MAGI2: variants seen among roughly 807,000 people sequenced by gnomAD.
MAGI2 encodes membrane-associated guanylate kinase, WW and PDZ domain-containing protein 2.
MAGI2 carries 35 observed loss-of-function variants against 133.3 expected under a neutral mutation model. That is an observed-to-expected ratio of 0.26 (90% CI 0.20 to 0.35). MAGI2 has a LOEUF of 0.35. MAGI2 is among the 10% of genes least tolerant of loss of function. The pLI, the probability that MAGI2 is intolerant of heterozygous loss-of-function variation, is 1.00. For synonymous variants in MAGI2, 729 were observed against 710.6 expected (o/e 1.03, Z -0.41); for missense variants, 1,636 against 1,863.4 (o/e 0.88, Z 2.25).
chr7:78,370,044 T>C (rs949370963), intron 6 of MAGI2, among the ~76,000 whole-genome samples: 11 of 152,126 alleles, frequency 7.2e-5, no homozygotes, highest in African/African-American at 2.4e-4. Flanking sequence ...AAACCTAAGA[T>C]ATATTGACAA....
intron 2 of MAGI2, among the ~76,000 whole-genome samples, chr7:78,983,571 C>T (rs1394459073): frequency 1.3e-5 from 2 of 151,846 alleles, no homozygotes; most frequent in African/African-American, 4.8e-5. Context: ...TCTCTATCAG[C>T]CACTAACAAG....
chr7:79,094,464 T>C (rs963071073), intron 1 of MAGI2, among the ~76,000 whole-genome samples: 1 of 152,232 alleles, frequency 6.6e-6, no homozygotes, highest in Admixed American at 6.5e-5. Flanking sequence ...GAACTGTTAA[T>C]GTCAATATTT....
chr7:78,440,077 A>G (rs1054833577), intron 6 of MAGI2, among the ~76,000 whole-genome samples: 1 of 151,928 alleles, frequency 6.6e-6, no homozygotes, highest in Non-Finnish European at 1.5e-5. Flanking sequence ...AGTCACATTT[A>G]AATATAAATA....
intron 2 of MAGI2, among the ~76,000 whole-genome samples, chr7:78,954,035 C>T (rs191171848): frequency 5.9e-5 from 9 of 152,200 alleles, no homozygotes; most frequent in East Asian, 1.9e-4. Context: ...AGACATACTA[C>T]GCATTTTTCA....
At chr7:78,878,009 T>A (rs1056732979) in intron 2 of MAGI2, among the ~76,000 whole-genome samples, 1 of 152,222 alleles carries the variant, frequency 6.6e-6, no homozygotes, top group Non-Finnish European at 1.5e-5. Flanking sequence ...TAGAGTCTGA[T>A]CTGAAGTCAG....
intron 1 of MAGI2, among the ~76,000 whole-genome samples, chr7:79,062,757 T>C (rs985092721): frequency 6.6e-6 from 1 of 152,142 alleles, no homozygotes; most frequent in Non-Finnish European, 1.5e-5. Flanking sequence ...CTGTCATCGA[T>C]GTTTCCTGTT....
chr7:78,990,706 A>G (rs962725224), intron 2 of MAGI2, among the ~76,000 whole-genome samples: 1 of 152,076 alleles, frequency 6.6e-6, no homozygotes, highest in Non-Finnish European at 1.5e-5. Flanking sequence ...AGAAAGGTAC[A>G]TTGATATGAG....
At chr7:78,914,904 A>G (rs2151622946) in intron 2 of MAGI2, among the ~76,000 whole-genome samples, 1 of 152,264 alleles carries the variant, frequency 6.6e-6, no homozygotes, top group Non-Finnish European at 1.5e-5. Flanking sequence ...GCAGAAGATC[A>G]TGTTAATGAG....
intron 5 of MAGI2, among the ~76,000 whole-genome samples, chr7:78,497,738 A>ATCTG (rs1297478814): frequency 1.8e-5 from 2 of 112,926 alleles, no homozygotes; most frequent in African/African-American, 3.2e-5. Context: ...CTATCTATCT[A>ATCTG]TCTATCTATC....
chr7:79,292,758 T>C (rs555256060), intron 1 of MAGI2, among the ~76,000 whole-genome samples: 1 of 125,912 alleles, frequency 7.9e-6, no homozygotes, highest in South Asian at 2.5e-4. Context: ...TGGACCACTT[T>C]GTCAATTTCT....
rs148768035 is a variant in MAGI2, at chr7:78,351,483, T to C, written c.1104-5440A>G. ...GCATTAGACAAGCAGCAACTCAGCA[T>C]TGAGAGAGGGAGTGAGAGGACTGGC... On this transcript the variant is annotated intron_variant, in intron 7 of 21. Coordinates refer to ENST00000354212, the MANE Select transcript of MAGI2 (RefSeq NM_012301.4). 7.9e-3 allele frequency among the ~76,000 whole-genome samples: 1,195 copies of C among 151,920 alleles called. 21 individuals are homozygous for C. The highest frequency in any genetic ancestry group is 0.021 in the African/African-American group (850 of 41,460).
chr7:78,397,279 T>A (rs539064933), intron 6 of MAGI2, among the ~76,000 whole-genome samples: 5 of 151,838 alleles, frequency 3.3e-5, no homozygotes, highest in African/African-American at 1.2e-4. Flanking sequence ...AGAGAAGGAT[T>A]GAGTCTATAA....
At chr7:79,382,661 C>A (rs1843876772) in intron 1 of MAGI2, among the ~76,000 whole-genome samples, 1 of 151,468 alleles carries the variant, frequency 6.6e-6, no homozygotes, top group South Asian at 2.1e-4. Context: ...AAAGAGGTAC[C>A]TGGCATATGG....
chr7:78,464,584 G>C (rs73150327), intron 6 of MAGI2, among the ~76,000 whole-genome samples: 1 of 151,952 alleles, frequency 6.6e-6, no homozygotes, highest in Non-Finnish European at 1.5e-5. Flanking sequence ...CAAGGGAACA[G>C]AAAAATTAAT....
At chr7:78,977,750 C>T (rs1053687297) in intron 2 of MAGI2, among the ~76,000 whole-genome samples, 1 of 151,590 alleles carries the variant, frequency 6.6e-6, no homozygotes, top group Non-Finnish European at 1.5e-5. Flanking sequence ...AAAATGCAAG[C>T]TACATGAGAC....
intron 1 of MAGI2, among the ~76,000 whole-genome samples, chr7:79,254,474 T>C (rs1190861281): frequency 6.6e-6 from 1 of 152,226 alleles, no homozygotes; most frequent in Non-Finnish European, 1.5e-5. Context: ...TTGCCATTAT[T>C]TTCTCTATCT....
Position 79,152,241 on chromosome 7 carries a change from G to A in MAGI2, c.302-145035C>T, listed in dbSNP as rs114800850. On this transcript the variant is annotated intron_variant, in intron 1 of 21. Transcript: ENST00000354212. ...ATCACTAGAGAAAGAAATATCATTC[G>A]AAACTGAATTTGAAAAGCAGAATTA... Among the ~76,000 whole-genome samples, 1,142 of 152,252 alleles carry A rather than the reference G, an allele frequency of 7.5e-3. 13 individuals are homozygous for A. The highest frequency in any genetic ancestry group is 0.025 in the African/African-American group (1,023 of 41,548).
At chr7:78,496,962 T>G (rs2192649) in intron 5 of MAGI2, among the ~76,000 whole-genome samples, 92,489 of 152,016 alleles carry the variant, frequency 0.61, 29,568 homozygotes, top group African/African-American at 0.82. Context: ...TTGGCAAGTA[T>G]TTACCTCTAA....
chr7:79,068,292 G>C (rs1038531511), intron 1 of MAGI2, among the ~76,000 whole-genome samples: 1 of 152,098 alleles, frequency 6.6e-6, no homozygotes, highest in South Asian at 2.1e-4. Context: ...ACTTGTTATT[G>C]GTCTATTCAG....
Sources: gnomAD v4.1 joint callset for allele counts (sites outside exome capture counted in the v4.1 genomes callset) on GRCh38, gnomAD v4.1.1 for gene constraint, MANE v1.5 for transcripts, NCBI Gene and HGNC (gene_info 2026-07-23, HGNC 2026-07-21) for gene names.